The following VTI1B variants were observed in gnomAD, a reference collection of about 807,000 sequenced individuals.
VTI1B encodes vesicle transport through interaction with t-SNAREs homolog 1B.
VTI1B carries 18 observed loss-of-function variants against 28.6 expected under a neutral mutation model. The observed-to-expected ratio is 0.63, with a 90% CI of 0.43 to 0.93. VTI1B has a LOEUF of 0.93. Ranked by LOEUF, VTI1B falls within the 40% of genes least tolerant of loss-of-function variation. The pLI is 0.00. For missense variants in VTI1B, 283 were observed against 297.0 expected (o/e 0.95, Z 0.35); for synonymous variants, 100 against 107.9 (o/e 0.93, Z 0.46).
rs909988166 is a variant in VTI1B, at chr14:67,649,155, G to A, written c.*2230C>T. The A allele has an allele frequency of 6.6e-6, 1 of 152,088 alleles. No individual in the cohort carries two copies. Among genetic ancestry groups the A allele is most frequent in the Non-Finnish European group, 1.5e-5 (1 of 68,028 alleles). 9.4% of individuals were successfully genotyped at this position (152,088 alleles called of 1,614,324 possible). On this transcript the variant is annotated 3_prime_UTR_variant, in exon 6 of 6. Transcript: ENST00000554659. ...CCTAAAAACACCACTTAGAGCAGGGGTTAATAACCTCTAGCACTTATATAT... is the reference window on the plus strand; with the variant it reads ...CCTAAAAACACCACTTAGAGCAGGGATTAATAACCTCTAGCACTTATATAT...
At chr14:67,659,954 C>G (rs1291093153) in intron 2 of VTI1B, 32 bp from the exon 3 acceptor site, 19 of 1,596,088 alleles carry the variant, frequency 1.2e-5, no homozygotes, top group Non-Finnish European at 1.6e-5. Context: ...AGCAGATAGC[C>G]TGGTTCTTCC....
chr14:67,670,145 AAC>A (rs932371570), intron 1 of VTI1B, among the ~76,000 whole-genome samples: 10 of 152,146 alleles, frequency 6.6e-5, no homozygotes, highest in African/African-American at 2.4e-4. Flanking sequence ...AAAGGCTCTT[AAC>A]ACAGTCCCCT....
At chr14:67,673,438 T>A (rs753900585) in intron 1 of VTI1B, among the ~76,000 whole-genome samples, 40 of 152,344 alleles carry the variant, frequency 2.6e-4, no homozygotes, top group Non-Finnish European at 4.4e-4. Context: ...ACACTGCCTC[T>A]TAATAGTTAT....
At chr14:67,673,635 T>C (rs1297152240) in intron 1 of VTI1B, among the ~76,000 whole-genome samples, 1 of 152,216 alleles carries the variant, frequency 6.6e-6, no homozygotes, top group Non-Finnish European at 1.5e-5. Context: ...CCTATGACCT[T>C]GAGTAATTCG....
chr14:67,659,871 G>A lies in VTI1B; in HGVS notation c.226C>T (p.Pro76Ser). 1 of 1,614,180 alleles carries A rather than the reference G, an allele frequency of 6.2e-7. No individual in the cohort carries two copies. Among genetic ancestry groups the A allele is most frequent in the Non-Finnish European group, 8.5e-7 (1 of 1,180,028 alleles). Reference sequence around the variant, plus strand: ...TAGTTTCGAAGCTTAGACATCATGGGGTTTCGGAAAGACAGGGGTGCATAA... The same window carrying A: ...TAGTTTCGAAGCTTAGACATCATGGAGTTTCGGAAAGACAGGGGTGCATAA... ...LRYAPLSFRN[P>S]MMSKLRNYRK... is the part of the protein sequence containing the mutation. The change falls in exon 3 of 6, where the codon CCC becomes TCC. Residue 76 changes from proline to serine, a missense_variant. Physicochemically the swap from Pro to Ser is moderately conservative, Grantham distance 74. Transcript: ENST00000554659.
At chr14:67,654,872 A>G (rs1043089825) in intron 4 of VTI1B, among the ~76,000 whole-genome samples, 3 of 151,846 alleles carry the variant, frequency 2.0e-5, no homozygotes, top group Non-Finnish European at 2.9e-5. Flanking sequence ...TACTAAAAAT[A>G]CGAAAAATTA....
At chr14:67,667,604 ATACT>A (rs1200762553) in intron 1 of VTI1B, among the ~76,000 whole-genome samples, 5 of 152,216 alleles carry the variant, frequency 3.3e-5, no homozygotes, top group African/African-American at 4.8e-5. Flanking sequence ...CTGAAAGTAA[ATACT>A]TAGGAAGAAC....
chr14:67,667,637 T>C (rs1255943924), intron 1 of VTI1B, among the ~76,000 whole-genome samples: 1 of 152,126 alleles, frequency 6.6e-6, no homozygotes, highest in Non-Finnish European at 1.5e-5. Flanking sequence ...AAAAACCAAA[T>C]TCAGTAGAAA....
intron 1 of VTI1B, among the ~76,000 whole-genome samples, chr14:67,671,654 A>G (rs2037466648): frequency 6.6e-6 from 1 of 152,272 alleles, no homozygotes; most frequent in African/African-American, 2.4e-5. Context: ...TTATGTTGCT[A>G]TAACAGAATA....
At chr14:67,664,257 T>C (rs940407431) in intron 1 of VTI1B, among the ~76,000 whole-genome samples, 2 of 152,190 alleles carry the variant, frequency 1.3e-5, no homozygotes, top group Non-Finnish European at 2.9e-5. Context: ...TTGTTTATCC[T>C]CTCAAACTGA....
At position 67,674,583 on chromosome 14, in the gene VTI1B, C is replaced by G; in HGVS notation, c.-94G>C. 9.6e-7 allele frequency: 1 copy of G among 1,038,782 alleles called. No individual in the cohort carries two copies. Among genetic ancestry groups the G allele is most frequent in the African/African-American group, 1.7e-5 (1 of 59,318 alleles). 64.3% of individuals were successfully genotyped at this position (1,038,782 alleles called of 1,614,324 possible). ...CAGCCGCCCAGCCCAGTGGCCATAA[C>G]GGCGACCGCCGCACCACCGCCGCCC... On this transcript the variant is annotated 5_prime_UTR_variant, in exon 1 of 6. Coordinates refer to ENST00000554659, the MANE Select transcript of VTI1B (RefSeq NM_006370.3).
At chr14:67,672,792 CAGT>C (rs1275153428) in intron 1 of VTI1B, among the ~76,000 whole-genome samples, 4 of 152,170 alleles carry the variant, frequency 2.6e-5, no homozygotes, top group Admixed American at 1.3e-4. Context: ...TGCTTCTGCA[CAGT>C]ATCTTTTAAC....
At chr14:67,656,303 G>A (rs1203907357) in intron 4 of VTI1B, 113 bp downstream of exon 4, 15 of 962,816 alleles carry the variant, frequency 1.6e-5, no homozygotes, top group Non-Finnish European at 7.1e-6. Flanking sequence ...ACTTAAAAAA[G>A]ACTATTCCCT....
At chr14:67,663,089 A>T (rs1173053577) in intron 1 of VTI1B, 1 of 1,494,998 alleles carries the variant, frequency 6.7e-7, no homozygotes, top group East Asian at 2.5e-5. Context: ...GGCACCGGCA[A>T]TGACTTGAAC....
chr14:67,656,842 AT>A (rs1467198728), intron 3 of VTI1B, among the ~76,000 whole-genome samples: 1 of 152,230 alleles, frequency 6.6e-6, no homozygotes, highest in Non-Finnish European at 1.5e-5. Flanking sequence ...GGAAAGATGG[AT>A]TAAAAATACT....
At chr14:67,658,399 C>G (rs2037292622) in intron 3 of VTI1B, among the ~76,000 whole-genome samples, 1 of 151,934 alleles carries the variant, frequency 6.6e-6, no homozygotes, top group Admixed American at 6.6e-5. Flanking sequence ...TGGAGATCAT[C>G]CTGGCTAACA....
chr14:67,652,780 C>T (rs1050370245), intron 5 of VTI1B, among the ~76,000 whole-genome samples: 1 of 152,120 alleles, frequency 6.6e-6, no homozygotes, highest in East Asian at 1.9e-4. Flanking sequence ...ACTTTCTAAT[C>T]AAGATTTTAC....
At position 67,651,499 on chromosome 14, in the gene VTI1B, G is replaced by A. The variant is rs758940946; in HGVS notation, c.603-18C>T. Reference sequence around the variant, plus strand: ...TTGTCACTCTACAAAGAGAAGCAAAGTGGGGAGTAGTCAGAAGTTTGGATA... The same window carrying A: ...TTGTCACTCTACAAAGAGAAGCAAAATGGGGAGTAGTCAGAAGTTTGGATA... On this transcript the variant is annotated intron_variant, in intron 5 of 5. Coordinates refer to ENST00000554659, the MANE Select transcript of VTI1B (RefSeq NM_006370.3). 3.7e-6 allele frequency: 6 copies of A among 1,612,644 alleles called. No individual in the cohort carries two copies. Among genetic ancestry groups the A allele is most frequent in the Non-Finnish European group, 5.1e-6 (6 of 1,179,010 alleles).
intron 1 of VTI1B, among the ~76,000 whole-genome samples, chr14:67,663,632 C>A (rs1410027335): frequency 6.6e-6 from 1 of 152,070 alleles, no homozygotes; most frequent in African/African-American, 2.4e-5. Flanking sequence ...CAAGATTGTG[C>A]CACTGCACTC....
Sources: allele counts gnomAD v4.1 joint callset (sites outside exome capture counted in the v4.1 genomes callset), GRCh38; gene constraint gnomAD v4.1.1; transcripts MANE v1.5; gene names NCBI Gene and HGNC (gene_info 2026-07-23, HGNC 2026-07-21).